Variants in LRRC4C observed in about 807,000 individuals in gnomAD.
LRRC4C encodes the protein leucine rich repeat containing 4C.
LRRC4C carries 5 observed loss-of-function variants against 33.6 expected under a neutral mutation model. That is an observed-to-expected ratio of 0.15 (90% CI 0.08 to 0.31). LRRC4C has a LOEUF of 0.31. Among genes scored for constraint, LRRC4C ranks in the 10% least tolerant of loss-of-function variants. LRRC4C has a pLI of 1.00. For missense variants in LRRC4C, 560 were observed against 796.7 expected (o/e 0.70, Z 3.58); for synonymous variants, 329 against 302.0 (o/e 1.09, Z -0.93).
chr11:41,440,932 C>G (rs1340977265), intron 1 of LRRC4C, among the ~76,000 whole-genome samples: 1 of 152,100 alleles, frequency 6.6e-6, no homozygotes, highest in Non-Finnish European at 1.5e-5. Context: ...TATAAATTAC[C>G]CAATCCCAGG....
At chr11:40,665,732 G>A (rs1051730059) in intron 2 of LRRC4C, among the ~76,000 whole-genome samples, 3 of 151,940 alleles carry the variant, frequency 2.0e-5, no homozygotes, top group African/African-American at 7.2e-5. Context: ...GGAAAATGAA[G>A]ATCTCTATTT....
At chr11:40,244,088 G>A (rs1040933264) in intron 4 of LRRC4C, among the ~76,000 whole-genome samples, 5 of 152,052 alleles carry the variant, frequency 3.3e-5, no homozygotes, top group African/African-American at 9.7e-5. Context: ...AAAGGCAAGC[G>A]AACCTAGAAG....
chr11:40,176,454 G>A (rs1860493514), intron 5 of LRRC4C, among the ~76,000 whole-genome samples: 1 of 151,668 alleles, frequency 6.6e-6, no homozygotes, highest in Non-Finnish European at 1.5e-5. Flanking sequence ...GAGATAAAGG[G>A]AGCCATGCAT....
At chr11:40,342,973 A>G (rs1946941211) in intron 3 of LRRC4C, among the ~76,000 whole-genome samples, 1 of 152,084 alleles carries the variant, frequency 6.6e-6, no homozygotes. Flanking sequence ...AGTGGGCTCC[A>G]TAAGTATAGT....
At chr11:41,389,307 A>G (rs1453120563) in intron 1 of LRRC4C, among the ~76,000 whole-genome samples, 1 of 151,854 alleles carries the variant, frequency 6.6e-6, no homozygotes, top group Non-Finnish European at 1.5e-5. Flanking sequence ...CCAAGAGTTA[A>G]AGGCTAGTAT....
intron 1 of LRRC4C, among the ~76,000 whole-genome samples, chr11:40,981,753 A>G (rs921729721): frequency 6.6e-6 from 1 of 152,234 alleles, no homozygotes; most frequent in Non-Finnish European, 1.5e-5. Context: ...GTAAAAGGAG[A>G]TAAGTAATAT....
At chr11:41,293,705 C>A (rs570289478) in intron 1 of LRRC4C, among the ~76,000 whole-genome samples, 3 of 152,044 alleles carry the variant, frequency 2.0e-5, no homozygotes, top group African/African-American at 7.3e-5. Flanking sequence ...TCAAGTGATT[C>A]TCCTGCCTCA....
chr11:40,696,758 A>ATATCTGAG (rs1225953650), intron 2 of LRRC4C, among the ~76,000 whole-genome samples: 1 of 138,812 alleles, frequency 7.2e-6, no homozygotes, highest in Non-Finnish European at 1.6e-5. Flanking sequence ...GTATATATAT[A>ATATCTGAG]TATATATATA....
At chr11:40,308,688 A>T (rs1364314649) in intron 4 of LRRC4C, among the ~76,000 whole-genome samples, 1 of 152,186 alleles carries the variant, frequency 6.6e-6, no homozygotes, top group African/African-American at 2.4e-5. Context: ...CCCTTGATCC[A>T]CTGAGGTGGC....
chr11:40,909,410 C>T (rs574048858), intron 2 of LRRC4C, among the ~76,000 whole-genome samples: 1 of 152,102 alleles, frequency 6.6e-6, no homozygotes, highest in African/African-American at 2.4e-5. Flanking sequence ...GAATGAAAAA[C>T]ACTGACAGTA....
chr11:40,730,398 C>A (rs1947503956), intron 2 of LRRC4C, among the ~76,000 whole-genome samples: 1 of 152,102 alleles, frequency 6.6e-6, no homozygotes. Context: ...GCAAATGGAT[C>A]TTAATATATT....
intron 3 of LRRC4C, among the ~76,000 whole-genome samples, chr11:40,407,637 G>A (rs1950008685): frequency 6.6e-6 from 1 of 152,002 alleles, no homozygotes; most frequent in Admixed American, 6.6e-5. Flanking sequence ...TTAATCTCCT[G>A]TTCTAGCTCC....
chr11:41,115,478 T>C (rs1942069113), intron 1 of LRRC4C, among the ~76,000 whole-genome samples: 2 of 152,008 alleles, frequency 1.3e-5, no homozygotes, highest in South Asian at 4.1e-4. Flanking sequence ...TCAAAAATTA[T>C]TTTTGCTATT....
intron 1 of LRRC4C, among the ~76,000 whole-genome samples, chr11:41,324,259 A>T (rs1317200436): frequency 6.6e-6 from 1 of 152,034 alleles, no homozygotes; most frequent in Non-Finnish European, 1.5e-5. Flanking sequence ...GGAGAAACCC[A>T]GTCTCTACTA....
chr11:41,302,614 T>C (rs951206157), intron 1 of LRRC4C, among the ~76,000 whole-genome samples: 37 of 152,278 alleles, frequency 2.4e-4, no homozygotes, highest in Admixed American at 7.8e-4. Context: ...ACAGAAGAGA[T>C]TTCTATTCTG....
At position 40,218,623 on chromosome 11, in the gene LRRC4C, TATGTATGTATG is replaced by T. The variant is rs1466122415; in HGVS notation, c.-96+22885_-96+22895del. Among the ~76,000 whole-genome samples, 97 of 142,330 alleles carry T rather than the reference TATGTATGTATG, an allele frequency of 6.8e-4. 3 individuals are homozygous for T. The highest frequency in any genetic ancestry group is 1.4e-3 in the African/African-American group (51 of 35,828). 93.4% of individuals were successfully genotyped at this position (142,330 alleles called of 152,430 possible). A position where few individuals can be genotyped will look rare whatever the true frequency, so the allele number is the denominator to read the frequency against. ...GTATGTATGTATGTATGTATGTATG[TATGTATGTATG>T]TATCTATTTATCTATCTATCATCTA... On this transcript the variant is annotated intron_variant, in intron 5 of 6. Transcript: ENST00000528697.
intron 2 of LRRC4C, among the ~76,000 whole-genome samples, chr11:40,803,755 G>A (rs1398639968): frequency 2.0e-5 from 3 of 152,108 alleles, no homozygotes; most frequent in African/African-American, 4.8e-5. Context: ...TTACAGGCGT[G>A]AGCCACCACG....
At chr11:40,772,054 G>A (rs1037107549) in intron 2 of LRRC4C, among the ~76,000 whole-genome samples, 5 of 152,046 alleles carry the variant, frequency 3.3e-5, no homozygotes, top group South Asian at 2.1e-4. Context: ...TTCTTGTACC[G>A]ATTTACTGTA....
At chr11:40,727,487 T>A (rs907839621) in intron 2 of LRRC4C, among the ~76,000 whole-genome samples, 1 of 151,984 alleles carries the variant, frequency 6.6e-6, no homozygotes, top group Non-Finnish European at 1.5e-5. Context: ...TAGGAAACAC[T>A]CTTCAGAACA....
Sources: gnomAD v4.1 joint callset for allele counts (sites outside exome capture counted in the v4.1 genomes callset) on GRCh38, gnomAD v4.1.1 for gene constraint, MANE v1.5 for transcripts, NCBI Gene and HGNC (gene_info 2026-07-23, HGNC 2026-07-21) for gene names.